Variants in CNTNAP2 observed in about 807,000 individuals in gnomAD.
CNTNAP2 encodes contactin-associated protein-like 2.
CNTNAP2 carries 98 observed loss-of-function variants against 155.2 expected under a neutral mutation model. That is an observed-to-expected ratio of 0.63 (90% CI 0.54 to 0.75). The LOEUF (loss-of-function observed/expected upper bound fraction) is 0.75. Among genes scored for constraint, CNTNAP2 ranks in the 30% least tolerant of loss-of-function variants. The pLI is 0.00. For synonymous variants in CNTNAP2, 651 were observed against 631.2 expected, an observed-to-expected ratio of 1.03 and a Z score of -0.47; for missense variants, 1,727 against 1,688.1, an observed-to-expected ratio of 1.02 and a Z score of -0.40.
chr7:146,571,950 C>T (rs1798447594), intron 1 of CNTNAP2, among the ~76,000 whole-genome samples: 1 of 152,156 alleles, frequency 6.6e-6, no homozygotes, highest in Non-Finnish European at 1.5e-5. Context: ...CCATCCCGAC[C>T]TCAGATGATC....
chr7:148,331,700 G>A (rs201604413), intron 21 of CNTNAP2, among the ~76,000 whole-genome samples: 1 of 145,306 alleles, frequency 6.9e-6, no homozygotes, highest in African/African-American at 2.5e-5. Flanking sequence ...CGGATGGAGT[G>A]GATGGATGGA....
chr7:147,185,745 T>G (rs1004914052), intron 8 of CNTNAP2, among the ~76,000 whole-genome samples: 6 of 152,096 alleles, frequency 3.9e-5, no homozygotes, highest in Non-Finnish European at 8.8e-5. Context: ...CCCACCCAAA[T>G]CTCATCTTGA....
At chr7:146,452,872 T>C (rs954488629) in intron 1 of CNTNAP2, among the ~76,000 whole-genome samples, 1 of 152,082 alleles carries the variant, frequency 6.6e-6, no homozygotes, top group African/African-American at 2.4e-5. Context: ...GAATATGAAA[T>C]AGTGATTTTG....
intron 21 of CNTNAP2, among the ~76,000 whole-genome samples, chr7:148,346,457 G>T (rs753096600): frequency 2.6e-5 from 4 of 152,194 alleles, no homozygotes; most frequent in Non-Finnish European, 5.9e-5. Context: ...GTGCAGTAAT[G>T]ATTGCGATTT....
intron 3 of CNTNAP2, among the ~76,000 whole-genome samples, chr7:146,963,586 T>C (rs1359871886): frequency 3.3e-5 from 5 of 152,152 alleles, no homozygotes; most frequent in African/African-American, 7.2e-5. Flanking sequence ...ATGTCTTAAA[T>C]AGTAACACAA....
intron 16 of CNTNAP2, among the ~76,000 whole-genome samples, chr7:148,130,878 C>A (rs1302774763): frequency 6.6e-6 from 1 of 151,894 alleles, no homozygotes; most frequent in Non-Finnish European, 1.5e-5. Flanking sequence ...CCAAAAATAC[C>A]AAAATTTTTA....
chr7:146,571,745 T>C (rs1479447126), intron 1 of CNTNAP2, among the ~76,000 whole-genome samples: 1 of 151,828 alleles, frequency 6.6e-6, no homozygotes, highest in Admixed American at 6.6e-5. Flanking sequence ...TTTTTTTTTT[T>C]TTTTGAGACG....
At chr7:146,146,032 T>A (rs2116765769) in intron 1 of CNTNAP2, among the ~76,000 whole-genome samples, 1 of 152,290 alleles carries the variant, frequency 6.6e-6, no homozygotes, top group South Asian at 2.1e-4. Context: ...AAATGATATA[T>A]TTTGTTTTAA....
At chr7:146,698,737 C>T (rs1030175667) in intron 1 of CNTNAP2, among the ~76,000 whole-genome samples, 1 of 152,126 alleles carries the variant, frequency 6.6e-6, no homozygotes, top group Middle Eastern at 3.4e-3. Flanking sequence ...TCTCTCTCTC[C>T]TCCATATATT....
chr7:148,102,427 A>G (rs181275429), intron 15 of CNTNAP2, among the ~76,000 whole-genome samples: 2 of 152,272 alleles, frequency 1.3e-5, no homozygotes, highest in East Asian at 3.9e-4. Flanking sequence ...TAGTCCTGTG[A>G]TGCACATTTG....
intron 3 of CNTNAP2, among the ~76,000 whole-genome samples, chr7:146,882,776 A>G (rs1258829977): frequency 6.6e-6 from 1 of 152,162 alleles, no homozygotes; most frequent in African/African-American, 2.4e-5. Context: ...GTACACAAAT[A>G]ATGTTCAGGC....
chr7:148,013,529 T>C (rs957354809), intron 15 of CNTNAP2, among the ~76,000 whole-genome samples: 1 of 152,210 alleles, frequency 6.6e-6, no homozygotes, highest in African/African-American at 2.4e-5. Context: ...ATCTCTCTGT[T>C]TGAAGAAGAA....
chr7:146,852,872 T>C (rs938980813), intron 3 of CNTNAP2, among the ~76,000 whole-genome samples: 3 of 152,144 alleles, frequency 2.0e-5, no homozygotes, highest in African/African-American at 7.2e-5. Flanking sequence ...GTGAAGTCGT[T>C]GTTTATCTTA....
At chr7:146,953,938 C>T (rs1255664100) in intron 3 of CNTNAP2, among the ~76,000 whole-genome samples, 1 of 151,900 alleles carries the variant, frequency 6.6e-6, no homozygotes, top group African/African-American at 2.4e-5. Flanking sequence ...AAATTAAAGG[C>T]AGTAGGGCAC....
chr7:146,320,166 A>G (rs758041237), intron 1 of CNTNAP2, among the ~76,000 whole-genome samples: 4 of 152,088 alleles, frequency 2.6e-5, no homozygotes, highest in Non-Finnish European at 5.9e-5. Context: ...AATTGACATC[A>G]TGTTTTGAAA....
In CNTNAP2 at chr7:147,700,525, G is replaced by C. The variant is rs117728536; in HGVS notation, c.2098+61219G>C. 1.1e-3 allele frequency among the ~76,000 whole-genome samples: 170 copies of C among 152,220 alleles called. 5 individuals carry two copies. The East Asian group carries it at 0.03, about 27-fold the overall frequency. ...CATTTGCCACTTTTATTCTCAGAAGGTAAGAAGTTTAAAAGCCACAAAACG... is the reference window on the plus strand; with the variant it reads ...CATTTGCCACTTTTATTCTCAGAAGCTAAGAAGTTTAAAAGCCACAAAACG... On this transcript the variant is annotated intron_variant, in intron 13 of 23. Coordinates refer to ENST00000361727, the MANE Select transcript of CNTNAP2 (RefSeq NM_014141.6).
chr7:147,203,699 T>G (rs1563114917), intron 8 of CNTNAP2, among the ~76,000 whole-genome samples: 2 of 152,152 alleles, frequency 1.3e-5, no homozygotes, highest in African/African-American at 4.8e-5. Context: ...ACCATGGGTA[T>G]CAAGATAGTA....
At chr7:146,977,978 A>G (rs1366151697) in intron 3 of CNTNAP2, among the ~76,000 whole-genome samples, 2 of 152,202 alleles carry the variant, frequency 1.3e-5, no homozygotes, top group Non-Finnish European at 2.9e-5. Context: ...TTTTTAAAAG[A>G]TAAGATAGGA....
intron 1 of CNTNAP2, among the ~76,000 whole-genome samples, chr7:146,419,869 T>G (rs1041636440): frequency 1.3e-5 from 2 of 152,094 alleles, no homozygotes; most frequent in Non-Finnish European, 2.9e-5. Context: ...CTAACTACTA[T>G]GGTATCTCTG....
Sources: allele counts gnomAD v4.1 joint callset (sites outside exome capture counted in the v4.1 genomes callset), GRCh38; gene constraint gnomAD v4.1.1; transcripts MANE v1.5; gene names NCBI Gene and HGNC (gene_info 2026-07-23, HGNC 2026-07-21).